Variants in ADGRL2 observed in about 807,000 individuals in gnomAD.
ADGRL2 encodes calcium-independent alpha-latrotoxin receptor 2.
ADGRL2 carries 44 observed loss-of-function variants against 157.4 expected under a neutral mutation model. The ratio of observed to expected loss-of-function variants is 0.28; its 90% CI spans 0.22 to 0.36. The LOEUF (loss-of-function observed/expected upper bound fraction) is 0.36, where lower values mean the gene tolerates loss of function less well. Ranked by LOEUF, ADGRL2 falls within the 10% of genes least tolerant of loss-of-function variation. ADGRL2 has a pLI of 1.00. For missense variants in ADGRL2, 1,510 were observed against 1,768.9 expected, an observed-to-expected ratio of 0.85 and a Z score of 2.63; for synonymous variants, 585 against 624.7, an observed-to-expected ratio of 0.94 and a Z score of 0.95.
At chr1:81,813,086 A>G (rs1018769434) in intron 1 of ADGRL2, among the ~76,000 whole-genome samples, 1 of 151,708 alleles carries the variant, frequency 6.6e-6, no homozygotes, top group East Asian at 1.9e-4. Flanking sequence ...AGAATTTTTC[A>G]TATTTCCTGC....
chr1:81,972,385 G>A (rs138185813), intron 17 of ADGRL2, among the ~76,000 whole-genome samples: 60 of 151,942 alleles, frequency 3.9e-4, no homozygotes, highest in African/African-American at 8.9e-4. Context: ...TTGCATTAAC[G>A]AATGACTATT....
At chr1:81,683,376 G>C (rs1440782700) in intron 3 of ADGRL2, among the ~76,000 whole-genome samples, 3 of 152,120 alleles carry the variant, frequency 2.0e-5, no homozygotes, top group African/African-American at 7.2e-5. Flanking sequence ...TGATTTGTGA[G>C]ATTTTGGTGC....
intron 2 of ADGRL2, among the ~76,000 whole-genome samples, chr1:81,789,972 A>C (rs1356387921): frequency 6.6e-6 from 1 of 152,152 alleles, no homozygotes; most frequent in Admixed American, 6.5e-5. Flanking sequence ...TTTTTAGCAT[A>C]ATGTATAATT....
intron 2 of ADGRL2, among the ~76,000 whole-genome samples, chr1:81,540,669 A>G (rs529432884): frequency 5.6e-4 from 86 of 152,226 alleles, no homozygotes; most frequent in Non-Finnish European, 1.1e-3. Flanking sequence ...AGAAAAAAAA[A>G]TAAAAAATAA....
At chr1:81,856,509 A>G (rs1571708239) in intron 2 of ADGRL2, among the ~76,000 whole-genome samples, 1 of 152,260 alleles carries the variant, frequency 6.6e-6, no homozygotes, top group East Asian at 1.9e-4. Context: ...TAGGGTCTCA[A>G]CTGTCAGGCT....
intron 1 of ADGRL2, among the ~76,000 whole-genome samples, chr1:81,390,501 C>A (rs1437532524): frequency 6.6e-6 from 1 of 152,252 alleles, no homozygotes; most frequent in Non-Finnish European, 1.5e-5. Flanking sequence ...TTTTAAGATA[C>A]AAATGATTCA....
intron 1 of ADGRL2, among the ~76,000 whole-genome samples, chr1:81,397,818 G>T (rs974410527): frequency 2.0e-5 from 3 of 152,138 alleles, no homozygotes; most frequent in Non-Finnish European, 4.4e-5. Context: ...GTAAATGTCT[G>T]GTATTAGGTA....
rs530909262 is a variant in ADGRL2, at chr1:81,769,223, C to T, written c.-101+7371C>T. On this transcript the variant is annotated intron_variant, in intron 2 of 20. Coordinates refer to the ADGRL2 transcript ENST00000359929. The stretch of plus-strand genomic sequence containing the variant: ...TTTCTTTAAGGTGCCCTTTTATGAA[C>T]AGAGTTCTTAATCTTAAAGCAGCTA... Among the ~76,000 whole-genome samples, 12 of 152,134 alleles carry T rather than the reference C, an allele frequency of 7.9e-5. No homozygotes were observed. The East Asian group carries it at 1.9e-3, about 25-fold the overall frequency.
At chr1:81,565,831 G>A (rs1209141051) in intron 2 of ADGRL2, among the ~76,000 whole-genome samples, 2 of 152,196 alleles carry the variant, frequency 1.3e-5, no homozygotes, top group East Asian at 1.9e-4. Flanking sequence ...ATATTTTCTG[G>A]GAAGTGATTT....
chr1:81,742,126 T>C (rs1249156737), intron 1 of ADGRL2, among the ~76,000 whole-genome samples: 4 of 152,004 alleles, frequency 2.6e-5, no homozygotes, highest in Non-Finnish European at 5.9e-5. Context: ...GCTTCAATCC[T>C]GGCTTTGTCT....
intron 2 of ADGRL2, among the ~76,000 whole-genome samples, chr1:81,893,319 T>TTTTTTTTTTTTTTTG: frequency 6.7e-6 from 1 of 150,248 alleles, no homozygotes; most frequent in Non-Finnish European, 1.5e-5. Context: ...CAATCCTGTC[T>TTTTTTTTTTTTTTTG]TGTATTTTTC....
intron 2 of ADGRL2, among the ~76,000 whole-genome samples, chr1:81,498,300 C>T (rs2078771936): frequency 6.6e-6 from 1 of 152,156 alleles, no homozygotes; most frequent in Non-Finnish European, 1.5e-5. Flanking sequence ...CATGTGTACA[C>T]ATTATTTATA....
At chr1:81,800,406 G>A (rs1335869026), upstream of ADGRL2, 1 of 152,154 alleles carries the variant, frequency 6.6e-6, no homozygotes, top group Non-Finnish European at 1.5e-5. Context: ...GCGGCGAACA[G>A]ACGTTCTTTC....
At chr1:81,694,180 G>A (rs753789976) in intron 3 of ADGRL2, among the ~76,000 whole-genome samples, 11 of 152,058 alleles carry the variant, frequency 7.2e-5, no homozygotes, top group Non-Finnish European at 1.2e-4. Flanking sequence ...TAGATCATAT[G>A]AAAAACACTT....
chr1:81,781,605 G>T (rs2086814799), intron 2 of ADGRL2, among the ~76,000 whole-genome samples: 1 of 152,162 alleles, frequency 6.6e-6, no homozygotes, highest in African/African-American at 2.4e-5. Context: ...AGCATTTCAG[G>T]TTGGTTACAG....
chr1:81,704,737 C>A (rs1421378879), intron 1 of ADGRL2, among the ~76,000 whole-genome samples: 4 of 152,170 alleles, frequency 2.6e-5, no homozygotes, highest in African/African-American at 7.2e-5. Flanking sequence ...ATGAAACTCA[C>A]CTTAATTCAA....
At chr1:81,422,005 CTT>C (rs1164479136) in intron 1 of ADGRL2, among the ~76,000 whole-genome samples, 3 of 152,074 alleles carry the variant, frequency 2.0e-5, no homozygotes, top group Non-Finnish European at 4.4e-5. Context: ...TACTTACAGA[CTT>C]ATTTTATTCA....
chr1:81,594,716 A>G (rs2081199011), intron 3 of ADGRL2, among the ~76,000 whole-genome samples: 1 of 152,234 alleles, frequency 6.6e-6, no homozygotes, highest in South Asian at 2.1e-4. Context: ...CATTTAAAAA[A>G]TTAGAAATCT....
rs972594192 is a variant in ADGRL2, at chr1:81,987,439, C to T, written c.3637+410C>T. On this transcript the variant is annotated intron_variant, in intron 22 of 23. Transcript: ENST00000686636. ...TAGCTAATGAAGATAATTTGGATGC[C>T]TAGCTATAGAAAACCACATTCAGCC... 4 of 811,392 alleles carry T rather than the reference C, an allele frequency of 4.9e-6. No individual in the cohort carries two copies. The African/African-American group carries it at 6.7e-5, about 14-fold the overall frequency. 50.3% of individuals were successfully genotyped at this position (811,392 alleles called of 1,614,324 possible).
Sources: gnomAD v4.1 joint callset for allele counts (sites outside exome capture counted in the v4.1 genomes callset) on GRCh38, gnomAD v4.1.1 for gene constraint, MANE v1.5 for transcripts, NCBI Gene and HGNC (gene_info 2026-07-23, HGNC 2026-07-21) for gene names.